The following STMN4 variants were observed in gnomAD, a reference collection of about 807,000 sequenced individuals.
STMN4 encodes the protein stathmin-4.
STMN4 carries 12 observed loss-of-function variants against 29.1 expected under a neutral mutation model. That is an observed-to-expected ratio of 0.41 (90% CI 0.26 to 0.67). The LOEUF (loss-of-function observed/expected upper bound fraction) is 0.67, where lower values mean the gene tolerates loss of function less well. Among genes scored for constraint, STMN4 ranks in the 30% least tolerant of loss-of-function variants. STMN4 has a pLI of 0.30. For missense variants in STMN4, 181 were observed against 262.8 expected (o/e 0.69, Z 2.15); for synonymous variants, 114 against 105.3 (o/e 1.08, Z -0.51).
chr8:27,242,617 G>T (rs1801509723), intron 2 of STMN4, 125 bp from the exon 3 acceptor site: 1 of 863,722 alleles, frequency 1.2e-6, no homozygotes, highest in Non-Finnish European at 1.8e-6. Context: ...GCAGGCACAC[G>T]CCAAGCCTGG....
At chr8:27,251,077 T>C (rs1801768005) in intron 1 of STMN4, among the ~76,000 whole-genome samples, 1 of 151,992 alleles carries the variant, frequency 6.6e-6, no homozygotes, top group African/African-American at 2.4e-5. Flanking sequence ...TGAAACCCCA[T>C]CTCTACTAAA....
chr8:27,239,266 G>A (rs1396790846), intron 6 of STMN4: 40 of 1,535,540 alleles, frequency 2.6e-5, no homozygotes, highest in Non-Finnish European at 2.3e-5. Context: ...GAGTCACCGC[G>A]CAGCAGGCGG....
chr8:27,253,563 C>G (rs1218684587), intron 1 of STMN4, among the ~76,000 whole-genome samples: 1 of 152,146 alleles, frequency 6.6e-6, no homozygotes, highest in Non-Finnish European at 1.5e-5. Context: ...ACTAGGGATC[C>G]AGTGATGATC....
At chr8:27,239,171 A>G in intron 6 of STMN4, 1 of 1,517,604 alleles carries the variant, frequency 6.6e-7, no homozygotes, top group Non-Finnish European at 8.8e-7. Context: ...CCTGTTGCCA[A>G]GGGCCTGAGA....
intron 1 of STMN4, among the ~76,000 whole-genome samples, chr8:27,250,905 A>G (rs904307588): frequency 2.0e-5 from 3 of 152,186 alleles, no homozygotes; most frequent in Non-Finnish European, 4.4e-5. Context: ...ACAGCCCCAA[A>G]TAATCCACAA....
In STMN4 at chr8:27,240,927, C is replaced by G. The variant is rs1266286690; in HGVS notation, c.399+127G>C. On this transcript the variant is annotated intron_variant, in intron 5 of 6. Transcript: ENST00000350889. ...GGTGTCTCATTCTCCACCGCACACT[C>G]GGGAGATGCTCCCTAAATATTGCAG... is the stretch of plus-strand genomic sequence containing the variant. The G allele has an allele frequency of 1.0e-4, 94 of 925,748 alleles. 1 individual carries two copies. The Admixed American group carries it at 2.5e-3, about 24-fold the overall frequency. The allele number at this position is 925,748 out of a possible 1,614,324, so 57.3% of individuals were successfully genotyped here.
chr8:27,240,477 G>C (rs139594291), intron 5 of STMN4, among the ~76,000 whole-genome samples: 1 of 151,950 alleles, frequency 6.6e-6, no homozygotes, highest in African/African-American at 2.4e-5. Context: ...TAACAGCTTG[G>C]GGTAAAAAAA....
chr8:27,252,170 A>G (rs964937688), intron 1 of STMN4, among the ~76,000 whole-genome samples: 1 of 152,050 alleles, frequency 6.6e-6, no homozygotes, highest in Non-Finnish European at 1.5e-5. Context: ...ATAGTATTCC[A>G]TGGTGTATAT....
intron 5 of STMN4, 64 bp downstream of exon 5, chr8:27,240,990 T>A (rs191281880): frequency 6.6e-7 from 1 of 1,519,456 alleles, no homozygotes; most frequent in African/African-American, 1.4e-5. Flanking sequence ...GTCCACCACC[T>A]GTCTTCTCCA....
intron 2 of STMN4, 131 bp downstream of exon 2, chr8:27,243,580 C>G (rs1050417988): frequency 5.3e-6 from 5 of 950,978 alleles, no homozygotes; most frequent in Non-Finnish European, 8.5e-6. Context: ...AGCCTCCCAT[C>G]ACTACCTGCA....
intron 1 of STMN4, among the ~76,000 whole-genome samples, chr8:27,249,294 G>C (rs374005155): frequency 6.6e-5 from 10 of 152,200 alleles, no homozygotes; most frequent in Non-Finnish European, 1.0e-4. Flanking sequence ...CAGAGATGGA[G>C]AGAACAGGCA....
chr8:27,241,897 C>A (rs1801486330), intron 3 of STMN4, 140 bp from the exon 4 acceptor site: 1 of 888,948 alleles, frequency 1.1e-6, no homozygotes, highest in Non-Finnish European at 1.8e-6. Context: ...ACGTGGCCAC[C>A]CAGTGCTCCC....
Position 27,249,196 on chromosome 8 carries a change from AG to A in STMN4, c.-78-5396del, listed in dbSNP as rs1469917734. Among the ~76,000 whole-genome samples, 6 of 152,276 alleles carry A rather than the reference AG, an allele frequency of 3.9e-5. No individual in the cohort carries two copies. In the East Asian group the frequency reaches 9.6e-4, roughly 24 times the overall value. ...TGAAGTTGTAGGCTGTTGACTGAGGAGGGATCTCACGGTGGGACAGTGGGGA... is the reference window on the plus strand; with the variant it reads ...TGAAGTTGTAGGCTGTTGACTGAGGAGGATCTCACGGTGGGACAGTGGGGA... On this transcript the variant is annotated intron_variant, in intron 1 of 6. Transcript: ENST00000350889.
rs1801296398 is a variant in STMN4 at position 27,235,732 on chromosome 8, G to C, written c.*1114C>G. The C allele has an allele frequency of 6.6e-6, 1 of 152,162 alleles. No homozygotes were observed. The allele number at this position is 152,162 out of a possible 1,614,324, so 9.4% of individuals were successfully genotyped here. On this transcript the variant is annotated 3_prime_UTR_variant, in exon 7 of 7. Transcript: ENST00000350889. Reference sequence around the variant, plus strand: ...ATGAGGACTCCACCTTCATGAATGGGATTAGTGCCTTAAAGAAAAGGCTCA... The same window carrying C: ...ATGAGGACTCCACCTTCATGAATGGCATTAGTGCCTTAAAGAAAAGGCTCA...
intron 4 of STMN4, 68 bp from the exon 5 acceptor site, chr8:27,241,330 G>C: frequency 1.3e-6 from 2 of 1,591,794 alleles, no homozygotes; most frequent in Non-Finnish European, 8.6e-7. Flanking sequence ...AGCATGCGGC[G>C]CATGCACACG....
intron 1 of STMN4, among the ~76,000 whole-genome samples, chr8:27,248,977 A>G (rs1345055725): frequency 2.0e-5 from 3 of 152,234 alleles, no homozygotes; most frequent in African/African-American, 7.2e-5. Context: ...ACTGATCCAT[A>G]CATTTCCCCC....
chr8:27,243,148 C>G (rs1801524101), intron 2 of STMN4, among the ~76,000 whole-genome samples: 1 of 152,202 alleles, frequency 6.6e-6, no homozygotes, highest in Non-Finnish European at 1.5e-5. Context: ...TCCCTCTCCT[C>G]ACCGCCTTGG....
At position 27,242,501 on chromosome 8, in the gene STMN4, A is replaced by T; in HGVS notation, c.14-9T>A. 6.2e-7 allele frequency: 1 copy of T among 1,613,920 alleles called. No homozygotes were observed. Among genetic ancestry groups the T allele is most frequent in the Non-Finnish European group, 8.5e-7 (1 of 1,179,888 alleles). The stretch of plus-strand genomic sequence containing the variant: ...CATCTTCTCTTTGTAGGCTGCGGAA[A>T]CACCCAGTCAGGTGAGGATGGCGCC... On this transcript the variant is annotated splice_polypyrimidine_tract_variant and intron_variant, in intron 2 of 6. Coordinates refer to ENST00000350889, the MANE Select transcript of STMN4 (RefSeq NM_030795.4).
chr8:27,244,257 T>C (rs927436398), intron 1 of STMN4, among the ~76,000 whole-genome samples: 1 of 152,206 alleles, frequency 6.6e-6, no homozygotes, highest in Non-Finnish European at 1.5e-5. Flanking sequence ...AATTCTGATA[T>C]GGGAAGAGAG....
Sources: allele counts gnomAD v4.1 joint callset (sites outside exome capture counted in the v4.1 genomes callset), GRCh38; gene constraint gnomAD v4.1.1; transcripts MANE v1.5; gene names NCBI Gene and HGNC (gene_info 2026-07-23, HGNC 2026-07-21).